Variants in SAE1 observed in about 807,000 individuals in gnomAD.
SAE1 encodes the protein SUMO1 activating enzyme subunit 1.
In SAE1, 11 loss-of-function variants were observed where a neutral mutation model predicts 40.6. The ratio of observed to expected loss-of-function variants is 0.27; its 90% CI spans 0.17 to 0.45. The LOEUF (loss-of-function observed/expected upper bound fraction) is 0.45. Ranked by LOEUF, SAE1 falls within the 20% of genes least tolerant of loss-of-function variation. The pLI is 1.00. For synonymous variants in SAE1, 155 were observed against 154.3 expected (o/e 1.00, Z -0.03); for missense variants, 373 against 427.3 (o/e 0.87, Z 1.12).
intron 6 of SAE1, among the ~76,000 whole-genome samples, chr19:47,173,548 A>T (rs558135863): frequency 6.6e-6 from 1 of 152,138 alleles, no homozygotes; most frequent in Non-Finnish European, 1.5e-5. Flanking sequence ...GGATTTCCTC[A>T]CTTCAGCACA....
At chr19:47,133,648 A>G (rs1425030676) in intron 1 of SAE1, among the ~76,000 whole-genome samples, 1 of 152,158 alleles carries the variant, frequency 6.6e-6, no homozygotes, top group Non-Finnish European at 1.5e-5. Flanking sequence ...CTTGAAACTC[A>G]AGAGAAGGGG....
chr19:47,171,474 G>C (rs1460812187), intron 6 of SAE1, among the ~76,000 whole-genome samples: 1 of 149,008 alleles, frequency 6.7e-6, no homozygotes, highest in Non-Finnish European at 1.5e-5. Flanking sequence ...CTTTTTTTTT[G>C]AGATGGAGTC....
At chr19:47,144,211 G>A (rs2058240915) in intron 2 of SAE1, among the ~76,000 whole-genome samples, 1 of 152,206 alleles carries the variant, frequency 6.6e-6, no homozygotes, top group Admixed American at 6.5e-5. Flanking sequence ...GTGTGCACCT[G>A]TAATCCCAGC....
chr19:47,135,141 C>T (rs933820743), intron 1 of SAE1, among the ~76,000 whole-genome samples: 3 of 151,996 alleles, frequency 2.0e-5, no homozygotes, highest in Non-Finnish European at 4.4e-5. Context: ...AATGGGGTAT[C>T]CACCACCTTA....
At chr19:47,147,817 G>GTT in intron 2 of SAE1, among the ~76,000 whole-genome samples, 1 of 150,008 alleles carries the variant, frequency 6.7e-6, no homozygotes, top group Non-Finnish European at 1.5e-5. Context: ...GGAGTGCAGT[G>GTT]GCGCGATCTT....
chr19:47,174,776 T>C (rs574494470), intron 6 of SAE1, among the ~76,000 whole-genome samples: 77 of 151,898 alleles, frequency 5.1e-4, no homozygotes, highest in African/African-American at 1.6e-3. Flanking sequence ...GGTTTCACCA[T>C]GTTAGCCAGG....
At chr19:47,167,011 G>A (rs147526201) in intron 5 of SAE1, among the ~76,000 whole-genome samples, 1,567 of 152,076 alleles carry the variant, frequency 0.01, 29 homozygotes, top group African/African-American at 0.036. Context: ...GAGTGTAGTG[G>A]TGTGACCTTG....
In SAE1 at chr19:47,180,899, G is replaced by T. The variant is rs544647205; in HGVS notation, c.733+10976G>T. Among the ~76,000 whole-genome samples, 11 of 152,310 alleles carry T rather than the reference G, an allele frequency of 7.2e-5. No homozygotes were observed. In the South Asian group the frequency reaches 1.5e-3, roughly 20 times the overall value. On this transcript the variant is annotated intron_variant, in intron 6 of 8. Transcript: ENST00000270225. ...GCAGGTTGTACCTCAGCTGAGTGATGAAATTAACAATCTAGGGATGGACAG... is the reference window on the plus strand; with the variant it reads ...GCAGGTTGTACCTCAGCTGAGTGATTAAATTAACAATCTAGGGATGGACAG...
chr19:47,198,198 C>T (rs1267346101), intron 7 of SAE1, among the ~76,000 whole-genome samples: 2 of 152,114 alleles, frequency 1.3e-5, no homozygotes, highest in Non-Finnish European at 2.9e-5. Flanking sequence ...CAACTTCTGC[C>T]GCCTGGGTCC....
intron 6 of SAE1, among the ~76,000 whole-genome samples, chr19:47,189,582 CAA>C (rs1299430685): frequency 1.3e-5 from 2 of 151,662 alleles, no homozygotes; most frequent in African/African-American, 4.8e-5. Context: ...ACAAAAAAAA[CAA>C]AAGTGAGCCA....
At chr19:47,194,106 G>A (rs1005886411) in intron 6 of SAE1, among the ~76,000 whole-genome samples, 3 of 151,890 alleles carry the variant, frequency 2.0e-5, no homozygotes, top group Non-Finnish European at 4.4e-5. Context: ...TTCTAAAACT[G>A]TGTCCTCCTC....
At chr19:47,173,637 C>G (rs1408702780) in intron 6 of SAE1, among the ~76,000 whole-genome samples, 3 of 152,122 alleles carry the variant, frequency 2.0e-5, no homozygotes, top group African/African-American at 7.2e-5. Flanking sequence ...ACACCCCTAT[C>G]CTCTACTCAC....
intron 2 of SAE1, among the ~76,000 whole-genome samples, chr19:47,149,945 C>T (rs1041215671): frequency 7.3e-5 from 11 of 151,592 alleles, no homozygotes; most frequent in African/African-American, 2.7e-4. Flanking sequence ...TGTGGTGGTG[C>T]GTGCTTGTAG....
At chr19:47,208,407 G>A (rs1290634813) in intron 8 of SAE1, among the ~76,000 whole-genome samples, 1 of 151,874 alleles carries the variant, frequency 6.6e-6, no homozygotes, top group Non-Finnish European at 1.5e-5. Context: ...CCTTGGGCAT[G>A]CATCACCATA....
intron 6 of SAE1, chr19:47,180,175 T>G (rs2058497356): frequency 4.4e-6 from 2 of 456,172 alleles, no homozygotes; most frequent in Admixed American, 4.7e-5. Context: ...TGAGAGGGTT[T>G]ATGCCCAGAG....
intron 4 of SAE1, among the ~76,000 whole-genome samples, 181 bp from the exon 5 acceptor site, chr19:47,154,933 G>T (rs1312275259): frequency 6.6e-6 from 1 of 152,142 alleles, no homozygotes; most frequent in Non-Finnish European, 1.5e-5. Flanking sequence ...TTTCCTGAGT[G>T]CCCAACAGTG....
At chr19:47,192,941 T>C (rs2058588484) in intron 6 of SAE1, among the ~76,000 whole-genome samples, 1 of 152,122 alleles carries the variant, frequency 6.6e-6, no homozygotes, top group African/African-American at 2.4e-5. Flanking sequence ...AAATGGTTAC[T>C]CAGTTGCATT....
chr19:47,136,933 A>G (rs2058184076), intron 1 of SAE1, among the ~76,000 whole-genome samples: 1 of 152,198 alleles, frequency 6.6e-6, no homozygotes, highest in African/African-American at 2.4e-5. Flanking sequence ...TAGGTGGGAT[A>G]GGAGAACTCT....
At chr19:47,198,399 A>T (rs1029247379) in intron 7 of SAE1, among the ~76,000 whole-genome samples, 1 of 152,168 alleles carries the variant, frequency 6.6e-6, no homozygotes, top group Non-Finnish European at 1.5e-5. Flanking sequence ...GGCATGAGCC[A>T]CCACGCGCTC....
Sources: gnomAD v4.1 joint callset for allele counts (sites outside exome capture counted in the v4.1 genomes callset) on GRCh38, gnomAD v4.1.1 for gene constraint, MANE v1.5 for transcripts, NCBI Gene and HGNC (gene_info 2026-07-23, HGNC 2026-07-21) for gene names.